Variants in USP47 observed in about 807,000 individuals in gnomAD.
USP47 encodes the protein ubiquitin carboxyl-terminal hydrolase 47.
In USP47, 35 loss-of-function variants were observed where a neutral mutation model predicts 165.1. The observed-to-expected ratio is 0.21, with a 90% confidence interval of 0.16 to 0.28. The LOEUF (loss-of-function observed/expected upper bound fraction) is 0.28, where lower values mean the gene tolerates loss of function less well. USP47 is among the 10% of genes least tolerant of loss of function. USP47 has a pLI of 1.00. For missense variants in USP47, 1,277 were observed against 1,607.4 expected, an observed-to-expected ratio of 0.79 and a Z score of 3.52; for synonymous variants, 531 against 544.5, an observed-to-expected ratio of 0.98 and a Z score of 0.35.
chr11:11,949,797 T>G, intron 22 of USP47, 92 bp from the exon 23 acceptor site: 1 of 849,362 alleles, frequency 1.2e-6, no homozygotes, highest in East Asian at 3.0e-5. Flanking sequence ...TAATTGCAAA[T>G]AAAATGTTTT....
At chr11:11,899,888 A>G (rs905402772) in intron 5 of USP47, among the ~76,000 whole-genome samples, 3 of 152,132 alleles carry the variant, frequency 2.0e-5, no homozygotes, top group South Asian at 2.1e-4. Context: ...TAAGAACCTC[A>G]TTGAACTATC....
chr11:11,898,151 G>GT (rs1012686991), intron 5 of USP47, among the ~76,000 whole-genome samples: 140 of 140,362 alleles, frequency 1.0e-3, no homozygotes, highest in African/African-American at 3.3e-3. Flanking sequence ...GTGTGTGTGT[G>GT]TTTCCTTCTA....
chr11:11,918,675 A>T (rs769665146), intron 8 of USP47, among the ~76,000 whole-genome samples: 14 of 152,006 alleles, frequency 9.2e-5, no homozygotes, highest in Non-Finnish European at 1.9e-4. Context: ...CTGTTCTTTA[A>T]ACTTTTCTCC....
Position 11,960,712 on chromosome 11 carries a change from G to T in USP47, c.*4537G>T, listed in dbSNP as rs1847415763. ...AGGGCAATTGTGCTGCTGCTGCTGAGGTGGCCACTTTCAGCAAGCCCTGTG... is the reference window on the plus strand; with the variant it reads ...AGGGCAATTGTGCTGCTGCTGCTGATGTGGCCACTTTCAGCAAGCCCTGTG... On this transcript the variant is annotated 3_prime_UTR_variant, in exon 28 of 28. Coordinates refer to ENST00000527733, the MANE Select transcript of USP47 (RefSeq NM_001282659.2). 6.6e-6 allele frequency among the ~76,000 whole-genome samples: 1 copy of T among 152,334 alleles called. No homozygotes were observed. The highest frequency in any genetic ancestry group is 2.1e-4 in the South Asian group (1 of 4,826).
chr11:11,892,135 A>G, intron 4 of USP47, 29 bp downstream of exon 4: 10 of 1,603,024 alleles, frequency 6.2e-6, no homozygotes, highest in Non-Finnish European at 8.5e-6. Flanking sequence ...TCATAAAATC[A>G]TAGGGCATTA....
At chr11:11,952,565 G>A (rs1423588486) in intron 24 of USP47, 176 bp from the exon 25 acceptor site, 2 of 499,124 alleles carry the variant, frequency 4.0e-6, no homozygotes, top group Non-Finnish European at 6.6e-6. Context: ...CTGGAGAGAA[G>A]AGAGTAAATA....
At position 11,932,986 on chromosome 11, in the gene USP47, TG is replaced by T; in HGVS notation, c.1652-17del. 3.1e-6 allele frequency: 5 copies of T among 1,597,708 alleles called. No homozygotes were observed. Among genetic ancestry groups the T allele is most frequent in the Non-Finnish European group, 4.3e-6 (5 of 1,167,102 alleles). On this transcript the variant is annotated splice_polypyrimidine_tract_variant and intron_variant, in intron 14 of 27. Coordinates refer to ENST00000527733, the MANE Select transcript of USP47 (RefSeq NM_001282659.2). ...CAGTTTCAGTGACACTGTCTTATCC[TG>T]TTTTTATTACTAATAGAATTTCTAG...
Position 11,960,900 on chromosome 11 carries a change from C to T in USP47, c.*4725C>T, listed in dbSNP as rs147605814. Among the ~76,000 whole-genome samples the T allele has an allele frequency of 6.6e-6, 1 of 152,256 alleles. No homozygotes were observed. Among genetic ancestry groups the T allele is most frequent in the South Asian group, 2.1e-4 (1 of 4,820 alleles). The stretch of plus-strand genomic sequence containing the variant: ...CTTTGTCCCTCACACTACAGCAGGC[C>T]CCTCCCTTCCCTCTTCAACCTCATC... On this transcript the variant is annotated 3_prime_UTR_variant, in exon 28 of 28. Transcript: ENST00000527733.
chr11:11,953,670 T>C lies in USP47; in HGVS notation c.3714+799T>C, dbSNP rs1315092901. On this transcript the variant is annotated intron_variant, in intron 25 of 27. Transcript: ENST00000527733. ...CTGTCCATAATTTATAAGGAGCTAC[T>C]ACCTTAATAAGAAAAAGACGGAACA... 3.3e-5 allele frequency among the ~76,000 whole-genome samples: 5 copies of C among 152,292 alleles called. No homozygotes were observed. In the East Asian group the frequency reaches 9.6e-4, roughly 29 times the overall value.
chr11:11,877,789 T>TTCTCTC lies in USP47; in HGVS notation c.40-2376_40-2371dup, dbSNP rs902594958. Among the ~76,000 whole-genome samples the TTCTCTC allele has an allele frequency of 3.8e-4, 46 of 121,256 alleles. 1 individual carries two copies. Among genetic ancestry groups the TTCTCTC allele is most frequent in the South Asian group, 9.7e-4 (3 of 3,098 alleles). 79.5% of individuals were successfully genotyped at this position (121,256 alleles called of 152,430 possible). A position where few individuals can be genotyped will look rare whatever the true frequency, so the allele number is the denominator to read the frequency against. On this transcript the variant is annotated intron_variant, in intron 1 of 27. Transcript: ENST00000527733. ...CCTTTCTCTCTCTCTCTCTCTCTCT[T>TTCTCTC]TCTCTCTCTCTCTCTCTGTGTGTGT...
At chr11:11,870,795 A>G (rs556353482) in intron 1 of USP47, among the ~76,000 whole-genome samples, 2 of 152,150 alleles carry the variant, frequency 1.3e-5, no homozygotes, top group South Asian at 2.1e-4. Flanking sequence ...TAATTTTAAT[A>G]GTTTCTTGTG....
intron 8 of USP47, among the ~76,000 whole-genome samples, chr11:11,910,886 TAAAAA>T (rs1229648546): frequency 1.3e-5 from 2 of 152,086 alleles, no homozygotes; most frequent in African/African-American, 4.8e-5. Context: ...CAGTTTGAGT[TAAAAA>T]AGAAAACCAG....
intron 1 of USP47, among the ~76,000 whole-genome samples, chr11:11,842,722 T>C (rs1848202031): frequency 6.6e-6 from 1 of 152,164 alleles, no homozygotes; most frequent in Admixed American, 6.5e-5. Context: ...TCCTGTTACT[T>C]GGTAGTACTA....
intron 12 of USP47, 83 bp from the exon 13 acceptor site, chr11:11,929,961 G>A: frequency 3.6e-6 from 4 of 1,125,918 alleles, no homozygotes; most frequent in Non-Finnish European, 5.3e-6. Flanking sequence ...ATTTAACTCT[G>A]AGGCTAAAGA....
At chr11:11,876,497 A>G (rs891260728) in intron 1 of USP47, among the ~76,000 whole-genome samples, 13 of 152,276 alleles carry the variant, frequency 8.5e-5, no homozygotes, top group African/African-American at 3.1e-4. Flanking sequence ...TTAATAGGGC[A>G]TTTAGTTTAT....
At chr11:11,882,252 T>C (rs1850879660) in intron 2 of USP47, among the ~76,000 whole-genome samples, 1 of 152,136 alleles carries the variant, frequency 6.6e-6, no homozygotes, top group African/African-American at 2.4e-5. Context: ...TTAACATAGA[T>C]TTCCATATTT....
intron 8 of USP47, among the ~76,000 whole-genome samples, chr11:11,918,973 A>AT (rs1413258702): frequency 7.4e-4 from 113 of 151,834 alleles, no homozygotes; most frequent in Non-Finnish European, 1.3e-3. Context: ...AGGGAAAAAA[A>AT]ATTTTTTTCT....
chr11:11,946,541 G>T (rs1430740154), intron 20 of USP47, among the ~76,000 whole-genome samples: 3 of 152,196 alleles, frequency 2.0e-5, no homozygotes. Context: ...AGGGAGATTG[G>T]ATGACCTGCC....
At chr11:11,855,495 A>G (rs560885389) in intron 1 of USP47, among the ~76,000 whole-genome samples, 25 of 152,348 alleles carry the variant, frequency 1.6e-4, no homozygotes, top group African/African-American at 5.8e-4. Flanking sequence ...TATTAAATAA[A>G]GTGACTTTCT....
Sources: allele counts gnomAD v4.1 joint callset (sites outside exome capture counted in the v4.1 genomes callset), GRCh38; gene constraint gnomAD v4.1.1; transcripts MANE v1.5; gene names NCBI Gene and HGNC (gene_info 2026-07-23, HGNC 2026-07-21).